ZGPAT: variants seen among roughly 807,000 people sequenced by gnomAD.
ZGPAT encodes zinc finger CCCH-type with G patch domain-containing protein.
ZGPAT carries 39 observed loss-of-function variants against 47.9 expected under a neutral mutation model. The observed-to-expected ratio is 0.81, with a 90% confidence interval of 0.63 to 1.06. ZGPAT has a LOEUF of 1.06. Ranked by LOEUF, ZGPAT falls within the 50% of genes least tolerant of loss-of-function variation. ZGPAT has a pLI of 0.00. For synonymous variants in ZGPAT, 348 were observed against 292.9 expected (o/e 1.19, Z -1.92); for missense variants, 717 against 681.4 (o/e 1.05, Z -0.58).
chr20:63,735,304 G>A lies in ZGPAT; in HGVS notation c.1137G>A (p.Arg379=), dbSNP rs2091972636. ...KAGTNKPPRC[R]GRGARPGGRP... ...GCACCAACAAGCCCCCCAGGTGCCGGGGAAGAGGGGCCAGGCCTGGGGGCC... is the reference window on the plus strand; with the variant it reads ...GCACCAACAAGCCCCCCAGGTGCCGAGGAAGAGGGGCCAGGCCTGGGGGCC... The change falls in exon 6 of 7, where the codon CGG becomes CGA. Residue 379 remains arginine, a synonymous_variant. Transcript: ENST00000355969. 3 of 1,598,214 alleles carry A rather than the reference G, an allele frequency of 1.9e-6. No homozygotes were observed. The highest frequency in any genetic ancestry group is 2.6e-6 in the Non-Finnish European group (3 of 1,172,782).
chr20:63,726,943 C>T (rs1426362390), intron 2 of ZGPAT, among the ~76,000 whole-genome samples: 3 of 152,170 alleles, frequency 2.0e-5, no homozygotes. Context: ...ACAACACCAT[C>T]ATGCTCCCTC....
At chr20:63,711,671 C>T (rs1237901622) in intron 2 of ZGPAT, among the ~76,000 whole-genome samples, 1 of 151,972 alleles carries the variant, frequency 6.6e-6, no homozygotes, top group Non-Finnish European at 1.5e-5. Context: ...TGACCTCCAC[C>T]TCCTGGGTTC....
At chr20:63,724,815 A>C (rs1456226430) in intron 2 of ZGPAT, among the ~76,000 whole-genome samples, 1 of 151,596 alleles carries the variant, frequency 6.6e-6, no homozygotes, top group African/African-American at 2.4e-5. Flanking sequence ...CTGAGACTGC[A>C]GGCACCTGCC....
chr20:63,735,561 G>A lies in ZGPAT; in HGVS notation c.1394G>A (p.Gly465Asp), dbSNP rs754468543. 2.0e-6 allele frequency: 3 copies of A among 1,514,052 alleles called. No homozygotes were observed. Among genetic ancestry groups the A allele is most frequent in the Admixed American group, 4.5e-5 (2 of 44,414 alleles). 93.8% of individuals were successfully genotyped at this position (1,514,052 alleles called of 1,614,324 possible). Reference protein sequence around the residue: ...SIQEALARNAGRHSVASAQLQ... With the variant: ...SIQEALARNADRHSVASAQLQ... Reference sequence around the variant, plus strand: ...CAGGAGGCTCTCGCCCGCAACGCTGGCCGGTACGTGTGGGGCCCAGCTCAG... The same window carrying A: ...CAGGAGGCTCTCGCCCGCAACGCTGACCGGTACGTGTGGGGCCCAGCTCAG... The change falls in exon 6 of 7, where the codon GGC becomes GAC. Residue 465 changes from glycine (G) to aspartate (D), a missense_variant. Gly to Asp is a moderately conservative substitution (Grantham distance 94). Coordinates refer to ENST00000355969, the MANE Select transcript of ZGPAT (RefSeq NM_181485.3).
chr20:63,734,487 G>T (rs548977085), intron 4 of ZGPAT: 3 of 871,114 alleles, frequency 3.4e-6, no homozygotes, highest in Admixed American at 5.0e-5. Flanking sequence ...TCTGCCTGGT[G>T]TCACATGCCC....
intron 2 of ZGPAT, among the ~76,000 whole-genome samples, chr20:63,731,677 CAT>C (rs956040080): frequency 7.6e-5 from 11 of 145,246 alleles, no homozygotes; most frequent in East Asian, 6.4e-4. Flanking sequence ...ATTGTGTGTG[CAT>C]ATGTGTGTAA....
chr20:63,735,656 G>T (rs569841780), intron 6 of ZGPAT, 92 bp downstream of exon 6: 2 of 1,498,640 alleles, frequency 1.3e-6, no homozygotes, highest in East Asian at 4.8e-5. Flanking sequence ...CAAGCATAGC[G>T]GGCTGAGTCC....
At chr20:63,715,732 G>A (rs1345333774) in intron 2 of ZGPAT, among the ~76,000 whole-genome samples, 1 of 152,062 alleles carries the variant, frequency 6.6e-6, no homozygotes, top group Non-Finnish European at 1.5e-5. Context: ...GAGTTAGGAA[G>A]TATTCTTTAT....
intron 3 of ZGPAT, 91 bp downstream of exon 3, chr20:63,733,443 G>T: frequency 6.3e-7 from 1 of 1,595,888 alleles, no homozygotes; most frequent in Non-Finnish European, 8.5e-7. Context: ...CCTTTGGGTT[G>T]AGTGTCGGGA....
intron 2 of ZGPAT, 93 bp from the exon 3 acceptor site, chr20:63,733,126 G>A: frequency 6.5e-7 from 1 of 1,535,038 alleles, no homozygotes. Flanking sequence ...GTCTCCCTCA[G>A]GACAGTGCCC....
rs2145706033 is a variant in ZGPAT, at chr20:63,734,776, G to A, written c.943G>A (p.Gly315Ser). The change falls in exon 5 of 7, where the codon GGT becomes AGT. Residue 315 changes from glycine (G) to serine (S), a missense_variant. Coordinates refer to ENST00000355969, the MANE Select transcript of ZGPAT (RefSeq NM_181485.3). Reference sequence around the variant, plus strand: ...TGCTGGCTGGGAGGTGCACACGCGAGGTATAGGCTCCAGACTCCTCACCAA... The same window carrying A: ...TGCTGGCTGGGAGGTGCACACGCGAAGTATAGGCTCCAGACTCCTCACCAA... ...AFAGWEVHTR[G>S]IGSRLLTKMG... 3 of 1,612,858 alleles carry A rather than the reference G, an allele frequency of 1.9e-6. No homozygotes were observed. The highest frequency in any genetic ancestry group is 2.5e-6 in the Non-Finnish European group (3 of 1,179,392).
At position 63,735,507 on chromosome 20, in the gene ZGPAT, A is replaced by G; in HGVS notation, c.1340A>G (p.Glu447Gly). The change falls in exon 6 of 7, where the codon GAG (glutamate) becomes GGG (glycine). Residue 447 changes from glutamate (E) to glycine (G), a missense_variant. Glu to Gly is a moderately conservative substitution (Grantham distance 98). Coordinates refer to ENST00000355969, the MANE Select transcript of ZGPAT (RefSeq NM_181485.3). ...LRLFQTEEKI[E>G]RTQRDIRSIQ... is the part of the protein sequence containing the mutation. ...CTCTTCCAGACTGAGGAGAAGATCGAGCGAACCCAGCGGGACATCAGGAGC... is the reference window on the plus strand; with the variant it reads ...CTCTTCCAGACTGAGGAGAAGATCGGGCGAACCCAGCGGGACATCAGGAGC... 1 of 1,530,896 alleles carries G rather than the reference A, an allele frequency of 6.5e-7. No homozygotes were observed. The highest frequency in any genetic ancestry group is 8.7e-7 in the Non-Finnish European group (1 of 1,144,106). The allele number at this position is 1,530,896 out of a possible 1,614,324, so 94.8% of individuals were successfully genotyped here.
Position 63,735,347 on chromosome 20 carries a change from G to A in ZGPAT, c.1180G>A (p.Val394Met). Reference sequence around the variant, plus strand: ...TGGGGGCCGCCCAGCTCCTCGGAATGTGTTTGACTTCCTCAATGAAAAGCT... The same window carrying A: ...TGGGGGCCGCCCAGCTCCTCGGAATATGTTTGACTTCCTCAATGAAAAGCT... ...RPGGRPAPRN[V>M]FDFLNEKLQG... is the part of the protein sequence containing the mutation. Residue 394 changes from valine to methionine, a missense_variant, in exon 6 of 7, where the codon GTG (valine) becomes ATG (methionine). By Grantham distance (21) the Val-to-Met change is conservative. Transcript: ENST00000355969. 1.3e-6 allele frequency: 2 copies of A among 1,551,640 alleles called. No individual in the cohort carries two copies. The highest frequency in any genetic ancestry group is 1.7e-6 in the Non-Finnish European group (2 of 1,153,192).
intron 2 of ZGPAT, among the ~76,000 whole-genome samples, chr20:63,716,157 G>C (rs73622874): frequency 6.6e-6 from 1 of 151,982 alleles, no homozygotes; most frequent in Admixed American, 6.6e-5. Flanking sequence ...AGCCTCCCCA[G>C]TATCTCGGAC....
intron 2 of ZGPAT, among the ~76,000 whole-genome samples, chr20:63,714,146 C>T (rs2145644948): frequency 1.3e-5 from 2 of 152,036 alleles, no homozygotes; most frequent in East Asian, 3.9e-4. Flanking sequence ...CTAGAGCGGG[C>T]CGGGGGTGGT....
intron 2 of ZGPAT, among the ~76,000 whole-genome samples, chr20:63,720,630 C>T (rs1021639944): frequency 1.3e-5 from 2 of 151,968 alleles, no homozygotes; most frequent in Admixed American, 6.6e-5. Context: ...TGTGTTGTTA[C>T]TGTTTTAGAC....
intron 2 of ZGPAT, among the ~76,000 whole-genome samples, chr20:63,729,589 A>C (rs1568796492): frequency 1.3e-5 from 2 of 151,792 alleles, no homozygotes; most frequent in African/African-American, 4.9e-5. Context: ...TTTCTGTGTG[A>C]GGGGGGGCTC....
intron 2 of ZGPAT, among the ~76,000 whole-genome samples, chr20:63,721,954 A>G (rs1000847544): frequency 2.0e-5 from 3 of 149,500 alleles, no homozygotes; most frequent in Admixed American, 1.4e-4. Context: ...CGGAGGTTGC[A>G]GTGAGCTGAG....
upstream of ZGPAT, chr20:63,707,709 G>A (rs1046331719): frequency 2.0e-5 from 3 of 152,204 alleles, no homozygotes; most frequent in Non-Finnish European, 4.4e-5. Flanking sequence ...GGAAGAACCT[G>A]GGTCGCGGCC....
Sources: gnomAD v4.1 joint callset for allele counts (sites outside exome capture counted in the v4.1 genomes callset) on GRCh38, gnomAD v4.1.1 for gene constraint, MANE v1.5 for transcripts, NCBI Gene and HGNC (gene_info 2026-07-23, HGNC 2026-07-21) for gene names.